Variants in UBE2D2 observed in about 807,000 individuals in gnomAD.
The protein encoded by UBE2D2 is ubiquitin-conjugating enzyme E2 D2.
In UBE2D2, 2 loss-of-function variants were observed where a neutral mutation model predicts 24.2. The ratio of observed to expected loss-of-function variants is 0.08; its 90% CI spans 0.03 to 0.26. UBE2D2 has a LOEUF of 0.26. Ranked by LOEUF, UBE2D2 falls within the 10% of genes least tolerant of loss-of-function variation. UBE2D2 has a pLI of 1.00. For missense variants in UBE2D2, 44 were observed against 177.6 expected (o/e 0.25, Z 4.28); for synonymous variants, 58 against 56.5 (o/e 1.03, Z -0.12).
chr5:139,614,689 A>G lies in UBE2D2; in HGVS notation c.121-8A>G, dbSNP rs373605129. The G allele has an allele frequency of 1.3e-4, 211 of 1,613,782 alleles. 1 individual carries two copies. Among genetic ancestry groups the G allele is most frequent in the Non-Finnish European group, 1.7e-4 (201 of 1,179,888 alleles). ...TCATTTTAATCCCACTTTTCTTGTT[A>G]TCAACAGAATGACAGTCCCTATCAG... On this transcript the variant is annotated splice_region_variant and splice_polypyrimidine_tract_variant and intron_variant, in intron 3 of 6. Transcript: ENST00000398733.
At chr5:139,576,183 T>C (rs960174798) in intron 1 of UBE2D2, among the ~76,000 whole-genome samples, 2 of 152,222 alleles carry the variant, frequency 1.3e-5, no homozygotes, top group Non-Finnish European at 1.5e-5. Flanking sequence ...AGGGTTGCCA[T>C]AATAAATTAC....
At chr5:139,600,351 T>C in intron 1 of UBE2D2, 21 bp from the exon 2 acceptor site, 1 of 1,612,420 alleles carries the variant, frequency 6.2e-7, no homozygotes. Context: ...AATATATTTC[T>C]TTTCTTTCTT....
intron 1 of UBE2D2, among the ~76,000 whole-genome samples, chr5:139,529,442 G>A (rs1752576423): frequency 6.6e-6 from 1 of 152,170 alleles, no homozygotes; most frequent in Non-Finnish European, 1.5e-5. Context: ...AAGTTACACA[G>A]CAGAAAATAA....
chr5:139,622,503 A>G (rs1754531012), intron 5 of UBE2D2, among the ~76,000 whole-genome samples: 1 of 148,296 alleles, frequency 6.7e-6, no homozygotes, highest in African/African-American at 2.5e-5. Flanking sequence ...TCCGCCTCCC[A>G]AAGTGCTGGG....
intron 1 of UBE2D2, chr5:139,562,196 A>G: frequency 7.2e-7 from 1 of 1,380,484 alleles, no homozygotes; most frequent in Non-Finnish European, 9.6e-7. Flanking sequence ...CAGAGGTCGA[A>G]AGGGCTTCTC....
At chr5:139,526,659 G>A (rs551193856) in intron 1 of UBE2D2, 64 of 152,298 alleles carry the variant, frequency 4.2e-4, no homozygotes, top group African/African-American at 1.5e-3. Context: ...GAGTGGAAGC[G>A]TGGCCTGATC....
At chr5:139,532,884 A>G (rs1561495250) in intron 1 of UBE2D2, among the ~76,000 whole-genome samples, 1 of 152,000 alleles carries the variant, frequency 6.6e-6, no homozygotes, top group African/African-American at 2.4e-5. Flanking sequence ...AGGCGGGTGG[A>G]TCACCTGAGA....
At chr5:139,553,720 T>C (rs1752948936) in intron 1 of UBE2D2, among the ~76,000 whole-genome samples, 1 of 152,182 alleles carries the variant, frequency 6.6e-6, no homozygotes, top group Non-Finnish European at 1.5e-5. Flanking sequence ...ATTGTTTCTA[T>C]ACATATATCC....
At chr5:139,555,924 CAAAAAAAAAAAAAAA>C (rs1168084041) in intron 1 of UBE2D2, among the ~76,000 whole-genome samples, 5 of 9,322 alleles carry the variant, frequency 5.4e-4, no homozygotes, top group African/African-American at 1.2e-3. Context: ...GACTCCATCT[CAAAAAAAAAAAAAAA>C]AAAAAAAAAA....
At chr5:139,593,145 G>A (rs62385334) in intron 1 of UBE2D2, among the ~76,000 whole-genome samples, 1 of 151,526 alleles carries the variant, frequency 6.6e-6, no homozygotes, top group African/African-American at 2.4e-5. Context: ...ACAGGCAAGC[G>A]CCACCACGCC....
intron 1 of UBE2D2, among the ~76,000 whole-genome samples, chr5:139,545,104 G>A (rs1217615480): frequency 6.6e-6 from 1 of 152,006 alleles, no homozygotes; most frequent in Non-Finnish European, 1.5e-5. Context: ...ACAATGCTGT[G>A]GTAGTTCTTC....
chr5:139,616,085 C>T (rs1186759456), intron 5 of UBE2D2, among the ~76,000 whole-genome samples: 3 of 150,816 alleles, frequency 2.0e-5, no homozygotes, highest in African/African-American at 4.8e-5. Flanking sequence ...CCACCTGCCT[C>T]GGCCTCCCAA....
chr5:139,572,575 C>A (rs1469546826), intron 1 of UBE2D2, among the ~76,000 whole-genome samples: 1 of 151,652 alleles, frequency 6.6e-6, no homozygotes, highest in Non-Finnish European at 1.5e-5. Context: ...CAGCTTGGGC[C>A]ACAGAGCGAG....
chr5:139,537,243 T>C (rs1220602412), intron 1 of UBE2D2, among the ~76,000 whole-genome samples: 1 of 151,994 alleles, frequency 6.6e-6, no homozygotes, highest in East Asian at 1.9e-4. Context: ...TATCTAGTCA[T>C]TGTTCAAATT....
At chr5:139,539,439 G>T (rs1218988936) in intron 1 of UBE2D2, among the ~76,000 whole-genome samples, 1 of 152,118 alleles carries the variant, frequency 6.6e-6, no homozygotes, top group Non-Finnish European at 1.5e-5. Flanking sequence ...AGGGAGATAG[G>T]GGTGTATGTG....
chr5:139,547,527 T>C (rs1752849422), intron 1 of UBE2D2, among the ~76,000 whole-genome samples: 1 of 151,026 alleles, frequency 6.6e-6, no homozygotes, highest in African/African-American at 2.4e-5. Flanking sequence ...TTTTTTGTTC[T>C]TGAGATGGAG....
At chr5:139,578,920 T>C (rs1734759066) in intron 1 of UBE2D2, among the ~76,000 whole-genome samples, 1 of 152,190 alleles carries the variant, frequency 6.6e-6, no homozygotes, top group South Asian at 2.1e-4. Context: ...TGACATGCCA[T>C]TGATTATATG....
intron 1 of UBE2D2, among the ~76,000 whole-genome samples, chr5:139,553,829 G>A (rs1752950029): frequency 6.6e-6 from 1 of 151,892 alleles, no homozygotes; most frequent in Non-Finnish European, 1.5e-5. Context: ...ACCCAGGCTG[G>A]GCTGCAGAGG....
At chr5:139,558,164 G>T (rs996005561), upstream of UBE2D2, among the ~76,000 whole-genome samples, 2 of 152,020 alleles carry the variant, frequency 1.3e-5, no homozygotes, top group Admixed American at 6.6e-5. Context: ...AGTAAAAATG[G>T]GAAACAAATG....
Sources: gnomAD v4.1 joint callset for allele counts (sites outside exome capture counted in the v4.1 genomes callset) on GRCh38, gnomAD v4.1.1 for gene constraint, MANE v1.5 for transcripts, NCBI Gene and HGNC (gene_info 2026-07-23, HGNC 2026-07-21) for gene names.